The following DENND4C variants were observed in gnomAD, a reference collection of about 807,000 sequenced individuals.
DENND4C encodes the protein DENN domain containing 4C.
In DENND4C, 108 loss-of-function variants were observed where a neutral mutation model predicts 203.0. The observed-to-expected ratio is 0.53, with a 90% CI of 0.46 to 0.62. The LOEUF (loss-of-function observed/expected upper bound fraction) is 0.62. Ranked by LOEUF, DENND4C falls within the 20% of genes least tolerant of loss-of-function variation. DENND4C has a pLI of 0.00. For synonymous variants in DENND4C, 871 were observed against 792.4 expected (o/e 1.10, Z -1.67); for missense variants, 2,481 against 2,301.2 (o/e 1.08, Z -1.60).
intron 20 of DENND4C, among the ~76,000 whole-genome samples, chr9:19,338,518 C>T (rs1820967150): frequency 6.6e-6 from 1 of 152,162 alleles, no homozygotes; most frequent in Non-Finnish European, 1.5e-5. Flanking sequence ...ATGCCACATA[C>T]TGAATTTGCA....
At chr9:19,278,392 G>A (rs1014937553) in intron 2 of DENND4C, among the ~76,000 whole-genome samples, 1 of 152,100 alleles carries the variant, frequency 6.6e-6, no homozygotes, top group African/African-American at 2.4e-5. Context: ...GCCTCCCAAA[G>A]TGCTGGGGTT....
chr9:19,372,055 A>G lies in DENND4C; in HGVS notation c.5759A>G (p.Tyr1920Cys). The change falls in exon 33 of 33, where the codon TAT becomes TGT. Residue 1920 changes from tyrosine to cysteine, a missense_variant. Tyr to Cys is a radical substitution (Grantham distance 194, BLOSUM62 -2). Coordinates refer to ENST00000434457, the MANE Select transcript of DENND4C (RefSeq NM_001330640.2). Reference sequence around the variant, plus strand: ...CTTTCAGAGGCATTTGACAATGAATATGGAATTGCATACAATAGTCTGTCT... The same window carrying G: ...CTTTCAGAGGCATTTGACAATGAATGTGGAATTGCATACAATAGTCTGTCT... ...NIDIEAFDNE[Y>C]GIAYNSLSSE... The G allele has an allele frequency of 6.2e-7, 1 of 1,607,994 alleles. No homozygotes were observed.
intron 2 of DENND4C, chr9:19,276,820 A>G (rs1428927665): frequency 6.1e-6 from 1 of 165,118 alleles, no homozygotes; most frequent in African/African-American, 2.4e-5. Flanking sequence ...TAAAGACACT[A>G]TCATTTTAAG....
At chr9:19,261,450 CTTT>C (rs34512237) in intron 1 of DENND4C, among the ~76,000 whole-genome samples, 1 of 142,976 alleles carries the variant, frequency 7.0e-6, no homozygotes, top group Non-Finnish European at 1.5e-5. Context: ...GTAGTATGGA[CTTT>C]TTTTTTTTTT....
At chr9:19,234,345 C>T (rs1821330806) in intron 1 of DENND4C, among the ~76,000 whole-genome samples, 1 of 151,908 alleles carries the variant, frequency 6.6e-6, no homozygotes, top group Admixed American at 6.6e-5. Flanking sequence ...ATTCTCCTGT[C>T]TCACCCTCCC....
In DENND4C at chr9:19,372,371, T is replaced by C. The variant is rs1589006490; in HGVS notation, c.*198T>C. ...TGCCATTTGAATGTCCCAGGGCTTA[T>C]TAATATTGAAGATTTTCAACCCCTG... On this transcript the variant is annotated 3_prime_UTR_variant, in exon 33 of 33. Coordinates refer to ENST00000434457, the MANE Select transcript of DENND4C (RefSeq NM_001330640.2). 2 of 568,484 alleles carry C rather than the reference T, an allele frequency of 3.5e-6. No homozygotes were observed. The highest frequency in any genetic ancestry group is 3.3e-5 in the East Asian group (1 of 30,270). The allele number at this position is 568,484 out of a possible 1,614,324, so 35.2% of individuals were successfully genotyped here.
At position 19,260,708 on chromosome 9, in the gene DENND4C, T is replaced by C. The variant is rs970454889; in HGVS notation, c.-17-15450T>C. ...AACCATGCTCGGCCTATGTTCTGGT[T>C]ATTAATACCTTATCAAATGGATAGT... On this transcript the variant is annotated intron_variant, in intron 1 of 32. Coordinates refer to ENST00000434457, the MANE Select transcript of DENND4C (RefSeq NM_001330640.2). Among the ~76,000 whole-genome samples the C allele has an allele frequency of 2.6e-5, 4 of 152,216 alleles. No homozygotes were observed. In the East Asian group the frequency reaches 7.7e-4, roughly 29 times the overall value.
intron 1 of DENND4C, among the ~76,000 whole-genome samples, chr9:19,240,421 A>T (rs1279200827): frequency 6.6e-6 from 1 of 152,138 alleles, no homozygotes; most frequent in African/African-American, 2.4e-5. Context: ...TAATCCCAGC[A>T]CTCTGGGAGG....
chr9:19,281,631 T>A (rs1323899110), intron 2 of DENND4C, among the ~76,000 whole-genome samples: 1 of 152,200 alleles, frequency 6.6e-6, no homozygotes. Context: ...AATCTGATAT[T>A]CCCATAGAAA....
chr9:19,265,776 C>G (rs1040034316), intron 1 of DENND4C, among the ~76,000 whole-genome samples: 1 of 152,182 alleles, frequency 6.6e-6, no homozygotes, highest in Non-Finnish European at 1.5e-5. Flanking sequence ...CTACAAAGGA[C>G]AAGAACTCAA....
chr9:19,247,010 C>T (rs1825445829), intron 1 of DENND4C, among the ~76,000 whole-genome samples: 1 of 152,186 alleles, frequency 6.6e-6, no homozygotes, highest in South Asian at 2.1e-4. Flanking sequence ...CTTTTGCACT[C>T]CCACCAACTG....
intron 28 of DENND4C, among the ~76,000 whole-genome samples, chr9:19,359,061 T>C (rs1825939684): frequency 6.6e-6 from 1 of 151,814 alleles, no homozygotes; most frequent in African/African-American, 2.4e-5. Flanking sequence ...AATTTCCCTA[T>C]GTCTCTGTTA....
intron 29 of DENND4C, 96 bp from the exon 30 acceptor site, chr9:19,361,750 T>C: frequency 1.6e-6 from 1 of 622,896 alleles, no homozygotes. Context: ...TCCAGAATTT[T>C]AAAAGGACTC....
At chr9:19,341,424 C>A (rs893810799) in intron 21 of DENND4C, among the ~76,000 whole-genome samples, 2 of 151,568 alleles carry the variant, frequency 1.3e-5, no homozygotes, top group Admixed American at 6.6e-5. Context: ...GATCCTCCTG[C>A]CTCAGTCCCC....
rs187931870 is a variant in DENND4C, at chr9:19,316,530, A to T, written c.1588+13A>T. ...CAGCTGTCTTCAGGTAATGTGAGGG[A>T]AAAGGAATATTATTAATGAAGGAAT... is the stretch of plus-strand genomic sequence containing the variant. On this transcript the variant is annotated intron_variant, in intron 11 of 32. Transcript: ENST00000434457. The T allele has an allele frequency of 6.2e-7, 1 of 1,607,188 alleles. No individual in the cohort carries two copies. The highest frequency in any genetic ancestry group is 2.2e-5 in the East Asian group (1 of 44,826).
At chr9:19,301,522 T>A (rs377537487) in intron 9 of DENND4C, among the ~76,000 whole-genome samples, 3 of 152,212 alleles carry the variant, frequency 2.0e-5, no homozygotes, top group Admixed American at 2.0e-4. Context: ...AGTAACCATA[T>A]GAGAAAGCTT....
chr9:19,371,799 G>A lies in DENND4C; in HGVS notation c.5719G>A (p.Gly1907Arg), dbSNP rs149984708. 4 of 1,455,576 alleles carry A rather than the reference G, an allele frequency of 2.7e-6. No individual in the cohort carries two copies. Among genetic ancestry groups the A allele is most frequent in the Non-Finnish European group, 3.8e-6 (4 of 1,049,474 alleles). 90.2% of individuals were successfully genotyped at this position (1,455,576 alleles called of 1,614,324 possible). The change falls in exon 32 of 33, where the codon GGA (glycine) becomes AGA (arginine). Residue 1907 changes from glycine (G) to arginine (R), a missense_variant. Physicochemically the swap from Gly to Arg is moderately radical, Grantham distance 125 (BLOSUM62 -2). Around this residue, in one of 3 missense-constraint regions of DENND4C, gnomAD observed 2,289 missense variants for 2,113.3 expected, o/e 1.08. Transcript: ENST00000434457. ...EILFLSLVSL[G>R]RENIDIEAFD... ...CCTCTTCTTATCATTAGTGTCTCTA[G>A]GAAGAGAGAATATTGATATTGGTAA...
intron 1 of DENND4C, among the ~76,000 whole-genome samples, chr9:19,246,033 G>A (rs1184608524): frequency 1.3e-5 from 2 of 151,580 alleles, no homozygotes; most frequent in Non-Finnish European, 2.9e-5. Context: ...CAGTAGCTAC[G>A]CCATTTTTTC....
intron 1 of DENND4C, among the ~76,000 whole-genome samples, chr9:19,264,102 A>G (rs1270303817): frequency 6.6e-6 from 1 of 152,104 alleles, no homozygotes; most frequent in African/African-American, 2.4e-5. Context: ...ATCTTTGGTA[A>G]AATTCAGCAG....
Sources: allele counts gnomAD v4.1 joint callset (sites outside exome capture counted in the v4.1 genomes callset), GRCh38; gene constraint gnomAD v4.1.1; regional missense constraint gnomAD v4.1.1; transcripts MANE v1.5; gene names NCBI Gene and HGNC (gene_info 2026-07-23, HGNC 2026-07-21).